The following COG5 variants were observed in gnomAD, a reference collection of about 807,000 sequenced individuals.
COG5 encodes the protein conserved oligomeric Golgi complex subunit 5.
COG5 carries 86 observed loss-of-function variants against 110.4 expected under a neutral mutation model. The observed-to-expected ratio is 0.78, with a 90% confidence interval of 0.65 to 0.93. COG5 has a LOEUF of 0.93. Ranked by LOEUF, COG5 falls within the 40% of genes least tolerant of loss-of-function variation. The pLI is 0.00. For missense variants in COG5, 1,077 were observed against 987.0 expected, an observed-to-expected ratio of 1.09 and a Z score of -1.22; for synonymous variants, 360 against 334.6, an observed-to-expected ratio of 1.08 and a Z score of -0.83.
At chr7:107,365,419 G>C (rs189417135) in intron 8 of COG5, among the ~76,000 whole-genome samples, 2 of 151,924 alleles carry the variant, frequency 1.3e-5, no homozygotes, top group East Asian at 1.9e-4. Context: ...GCCAGTTGCT[G>C]TAGATAAGTC....
At chr7:107,315,430 TAAGA>T (rs1184330511) in intron 11 of COG5, among the ~76,000 whole-genome samples, 7 of 152,116 alleles carry the variant, frequency 4.6e-5, no homozygotes, top group Non-Finnish European at 1.0e-4. Context: ...TTGAGTGGCT[TAAGA>T]GTTTTCAGAG....
At chr7:107,236,753 C>A in intron 17 of COG5, 66 bp from the exon 18 acceptor site, 1 of 965,498 alleles carries the variant, frequency 1.0e-6, no homozygotes. Flanking sequence ...ATTTTGTACC[C>A]CTCTCCCCAC....
chr7:107,229,121 C>T (rs1282651355), intron 19 of COG5, among the ~76,000 whole-genome samples: 1 of 151,958 alleles, frequency 6.6e-6, no homozygotes, highest in African/African-American at 2.4e-5. Context: ...ATGTTGATCC[C>T]CTCAGCCCTT....
chr7:107,415,317 G>A (rs879211815), intron 6 of COG5, among the ~76,000 whole-genome samples: 1 of 152,116 alleles, frequency 6.6e-6, no homozygotes, highest in Admixed American at 6.5e-5. Context: ...TACAGATATG[G>A]AGGCAAATAC....
At chr7:107,397,884 G>A (rs555494553) in intron 7 of COG5, among the ~76,000 whole-genome samples, 21 of 151,354 alleles carry the variant, frequency 1.4e-4, no homozygotes, top group African/African-American at 5.1e-4. Flanking sequence ...ACCTCAAAAC[G>A]CAAAGGTATC....
chr7:107,367,569 TAC>T (rs146551030), intron 8 of COG5, among the ~76,000 whole-genome samples: 6 of 150,764 alleles, frequency 4.0e-5, no homozygotes, highest in African/African-American at 2.4e-5. Flanking sequence ...TGTATATATA[TAC>T]ACACACACAC....
At chr7:107,503,719 T>C (rs1368556308) in intron 6 of COG5, among the ~76,000 whole-genome samples, 1 of 152,194 alleles carries the variant, frequency 6.6e-6, no homozygotes, top group Non-Finnish European at 1.5e-5. Context: ...TTTCACCTCC[T>C]TGGTTAAGTA....
chr7:107,266,639 T>A (rs1307814436), intron 14 of COG5, among the ~76,000 whole-genome samples: 1 of 152,144 alleles, frequency 6.6e-6, no homozygotes, highest in Non-Finnish European at 1.5e-5. Context: ...GAATACGAGT[T>A]ATTCCTAGGG....
intron 12 of COG5, among the ~76,000 whole-genome samples, chr7:107,291,910 C>T (rs1382509453): frequency 6.6e-6 from 1 of 152,182 alleles, no homozygotes; most frequent in East Asian, 1.9e-4. Flanking sequence ...TTTGAGAATA[C>T]CCTTAGGTTT....
At chr7:107,331,435 T>C (rs1810233236) in intron 10 of COG5, among the ~76,000 whole-genome samples, 2 of 151,718 alleles carry the variant, frequency 1.3e-5, no homozygotes, top group African/African-American at 4.8e-5. Context: ...AGCACTGCAC[T>C]CCAGACTGGG....
chr7:107,545,540 G>A (rs1802348893), intron 5 of COG5, among the ~76,000 whole-genome samples: 1 of 152,076 alleles, frequency 6.6e-6, no homozygotes, highest in East Asian at 1.9e-4. Flanking sequence ...AGCACGTGGG[G>A]AGGCCAAGGC....
chr7:107,275,502 T>C (rs1318863230), intron 14 of COG5, among the ~76,000 whole-genome samples: 3 of 151,990 alleles, frequency 2.0e-5, no homozygotes. Context: ...TATAATAATA[T>C]ATGGGGTGAT....
At chr7:107,336,041 C>A (rs796090687) in intron 10 of COG5, among the ~76,000 whole-genome samples, 13 of 152,258 alleles carry the variant, frequency 8.5e-5, no homozygotes, top group African/African-American at 3.1e-4. Flanking sequence ...CAAAACCCCA[C>A]TCTCAGTAAT....
chr7:107,354,018 T>C (rs1812406016), intron 10 of COG5, among the ~76,000 whole-genome samples: 1 of 152,226 alleles, frequency 6.6e-6, no homozygotes. Context: ...CCCAAATGTT[T>C]ATTTTTTGTC....
At chr7:107,249,747 T>A in intron 16 of COG5, among the ~76,000 whole-genome samples, 1 of 150,396 alleles carries the variant, frequency 6.6e-6, no homozygotes, top group Non-Finnish European at 1.5e-5. Context: ...TGTATACATA[T>A]AGTTTGCCCT....
In COG5 at chr7:107,474,139, A is replaced by T; in HGVS notation, c.538+53098T>A. On this transcript the variant is annotated intron_variant, in intron 6 of 21. Transcript: ENST00000297135. The surrounding 1 kb of genome is among the most constrained non-coding windows in gnomAD (Gnocchi z 5.7). ...AGTGCGAGATGACATTGATGACATC[A>T]ACACCAATATGTACCAACCACTATC... is the stretch of plus-strand genomic sequence containing the variant. 6.2e-7 allele frequency: 1 copy of T among 1,607,648 alleles called. No homozygotes were observed. Among genetic ancestry groups the T allele is most frequent in the Non-Finnish European group, 8.5e-7 (1 of 1,174,520 alleles).
intron 6 of COG5, among the ~76,000 whole-genome samples, chr7:107,441,312 C>T (rs1231947055): frequency 2.1e-5 from 3 of 146,236 alleles, no homozygotes; most frequent in African/African-American, 7.6e-5. Context: ...TTGTGGGAAA[C>T]CCCTTAATCT....
intron 6 of COG5, among the ~76,000 whole-genome samples, chr7:107,506,023 A>G (rs183367104): frequency 1.3e-5 from 2 of 152,316 alleles, no homozygotes; most frequent in East Asian, 3.9e-4. Context: ...GGTTATGGAT[A>G]GTCTTAATGT....
intron 14 of COG5, among the ~76,000 whole-genome samples, chr7:107,275,431 G>A (rs910011189): frequency 1.3e-5 from 2 of 151,766 alleles, no homozygotes; most frequent in African/African-American, 4.8e-5. Flanking sequence ...ACTCTTCCAA[G>A]TGATTTCATA....
Sources: gnomAD v4.1 joint callset for allele counts (sites outside exome capture counted in the v4.1 genomes callset) on GRCh38, gnomAD v4.1.1 for gene constraint, Gnocchi (gnomAD v3.1) non-coding constraint, MANE v1.5 for transcripts, NCBI Gene and HGNC (gene_info 2026-07-23, HGNC 2026-07-21) for gene names.